Variants in NWD2 observed in about 807,000 individuals in gnomAD.
NWD2 encodes NACHT and WD repeat domain-containing protein 2.
NWD2 carries 37 observed loss-of-function variants against 132.7 expected under a neutral mutation model. The ratio of observed to expected loss-of-function variants is 0.28; its 90% confidence interval spans 0.21 to 0.37. NWD2 has a LOEUF of 0.37. NWD2 is among the 10% of genes least tolerant of loss of function. The probability of loss-of-function intolerance (pLI) is 1.00; values close to 1 mark genes in which losing one functional copy is unlikely to be tolerated. For missense variants in NWD2, 1,592 were observed against 2,122.4 expected, an observed-to-expected ratio of 0.75 and a Z score of 4.91; for synonymous variants, 705 against 803.0, an observed-to-expected ratio of 0.88 and a Z score of 2.06.
intron 3 of NWD2, among the ~76,000 whole-genome samples, chr4:37,405,012 G>T (rs1455423029): frequency 2.0e-5 from 3 of 152,172 alleles, no homozygotes; most frequent in Non-Finnish European, 4.4e-5. Context: ...TGAGATTTGT[G>T]TAGGGACACA....
intron 3 of NWD2, among the ~76,000 whole-genome samples, chr4:37,421,872 G>C (rs916013648): frequency 6.6e-6 from 1 of 152,096 alleles, no homozygotes; most frequent in Non-Finnish European, 1.5e-5. Context: ...CTGGGAACTG[G>C]AAGTTTAAGA....
intron 2 of NWD2, among the ~76,000 whole-genome samples, chr4:37,332,529 A>G (rs1485316794): frequency 2.6e-5 from 4 of 151,636 alleles, no homozygotes; most frequent in Admixed American, 6.6e-5. Flanking sequence ...GATCTCCCCA[A>G]ATGAGTTCAG....
intron 3 of NWD2, among the ~76,000 whole-genome samples, chr4:37,385,597 G>T (rs140125808): frequency 6.6e-6 from 1 of 152,292 alleles, no homozygotes; most frequent in Non-Finnish European, 1.5e-5. Context: ...AAACCGGAAA[G>T]TGTTACTACA....
intron 3 of NWD2, among the ~76,000 whole-genome samples, chr4:37,361,002 A>G (rs1719971382): frequency 6.6e-6 from 1 of 152,142 alleles, no homozygotes; most frequent in Non-Finnish European, 1.5e-5. Context: ...CAGAAATACA[A>G]AAGATCCTCA....
chr4:37,302,030 T>C (rs934935422), intron 1 of NWD2, among the ~76,000 whole-genome samples: 1 of 151,988 alleles, frequency 6.6e-6, no homozygotes. Context: ...AACTATAGTC[T>C]CCCTAAAGTA....
chr4:37,394,570 T>C lies in NWD2; in HGVS notation c.358-36002T>C, dbSNP rs142963309. Among the ~76,000 whole-genome samples, 62 of 152,314 alleles carry C rather than the reference T, an allele frequency of 4.1e-4. No individual in the cohort carries two copies. The East Asian group carries it at 0.012, about 29-fold the overall frequency. On this transcript the variant is annotated intron_variant, in intron 3 of 6. Coordinates refer to ENST00000309447, the MANE Select transcript of NWD2 (RefSeq NM_001144990.2). ...CAACAGTTAATTAAAAGAAGGGCTA[T>C]GTATAAGCCATGGCACTAGTGTTAT...
chr4:37,279,930 AGT>A (rs1358261032), intron 1 of NWD2, among the ~76,000 whole-genome samples: 2 of 152,206 alleles, frequency 1.3e-5, no homozygotes, highest in African/African-American at 2.4e-5. Flanking sequence ...GATTGACAAG[AGT>A]GAGGGGAAAG....
intron 2 of NWD2, among the ~76,000 whole-genome samples, chr4:37,352,763 G>C (rs1019363183): frequency 2.6e-5 from 4 of 152,078 alleles, no homozygotes; most frequent in Admixed American, 2.6e-4. Flanking sequence ...ACATGAGATG[G>C]GTCTCCTGAA....
chr4:37,427,396 G>C (rs1323503739), intron 3 of NWD2, among the ~76,000 whole-genome samples: 1 of 152,130 alleles, frequency 6.6e-6, no homozygotes, highest in Admixed American at 6.6e-5. Context: ...AAAATAAAAG[G>C]TCATGCCTAT....
intron 3 of NWD2, among the ~76,000 whole-genome samples, chr4:37,378,768 T>G (rs774553892): frequency 1.3e-5 from 2 of 152,202 alleles, no homozygotes; most frequent in Non-Finnish European, 2.9e-5. Context: ...AATTAGGCTT[T>G]TTCTGTAATG....
intron 1 of NWD2, among the ~76,000 whole-genome samples, chr4:37,256,534 CTAAT>C: frequency 6.6e-6 from 1 of 152,178 alleles, no homozygotes; most frequent in South Asian, 2.1e-4. Context: ...CTAGAAGACT[CTAAT>C]TAAAATGGAA....
intron 3 of NWD2, among the ~76,000 whole-genome samples, chr4:37,418,013 G>C (rs1711676092): frequency 6.6e-6 from 1 of 152,146 alleles, no homozygotes; most frequent in Non-Finnish European, 1.5e-5. Flanking sequence ...TGACAGCAAA[G>C]TAGCAACAAC....
chr4:37,333,016 G>T (rs557358363), intron 2 of NWD2, among the ~76,000 whole-genome samples: 1 of 152,278 alleles, frequency 6.6e-6, no homozygotes, highest in East Asian at 1.9e-4. Flanking sequence ...CGTGAAAAAG[G>T]GAGGGAAGAG....
At chr4:37,289,632 G>A (rs886110021) in intron 1 of NWD2, among the ~76,000 whole-genome samples, 2 of 152,150 alleles carry the variant, frequency 1.3e-5, no homozygotes, top group South Asian at 2.1e-4. Context: ...TTTGTTTACG[G>A]TTCTCTTCAT....
intron 2 of NWD2, among the ~76,000 whole-genome samples, chr4:37,328,051 G>A (rs1302683714): frequency 1.3e-5 from 2 of 151,800 alleles, no homozygotes; most frequent in African/African-American, 4.8e-5. Context: ...ACCTCATGTT[G>A]TGCCCCCTTG....
intron 1 of NWD2, among the ~76,000 whole-genome samples, chr4:37,295,907 A>T (rs1267155430): frequency 6.6e-6 from 1 of 152,214 alleles, no homozygotes; most frequent in Non-Finnish European, 1.5e-5. Context: ...CAGATTCAAC[A>T]TTTGTACGTT....
At chr4:37,259,053 AG>A in intron 1 of NWD2, among the ~76,000 whole-genome samples, 1 of 152,266 alleles carries the variant, frequency 6.6e-6, no homozygotes. Flanking sequence ...TGCACCTGCA[AG>A]GGGGATGGCA....
At position 37,364,219 on chromosome 4, in the gene NWD2, G is replaced by A. The variant is rs139110175; in HGVS notation, c.357+7737G>A. Among the ~76,000 whole-genome samples the A allele has an allele frequency of 3.1e-3, 468 of 152,272 alleles. 2 individuals carry two copies. The highest frequency in any genetic ancestry group is 0.011 in the African/African-American group (446 of 41,546). ...TTTGAAAAGCTTAGTTACAGTATTGGAGAATCCGTCCCCACTCCACCATGT... is the reference window on the plus strand; with the variant it reads ...TTTGAAAAGCTTAGTTACAGTATTGAAGAATCCGTCCCCACTCCACCATGT... On this transcript the variant is annotated intron_variant, in intron 3 of 6. Transcript: ENST00000309447.
At chr4:37,398,491 A>G (rs1453356750) in intron 3 of NWD2, among the ~76,000 whole-genome samples, 2 of 152,136 alleles carry the variant, frequency 1.3e-5, no homozygotes, top group African/African-American at 2.4e-5. Flanking sequence ...TAAGACAAAT[A>G]CCTAATGCAT....
Sources: allele counts gnomAD v4.1 joint callset (sites outside exome capture counted in the v4.1 genomes callset), GRCh38; gene constraint gnomAD v4.1.1; transcripts MANE v1.5; gene names NCBI Gene and HGNC (gene_info 2026-07-23, HGNC 2026-07-21).